NDUFA10: variants seen among roughly 807,000 people sequenced by gnomAD.
NDUFA10 encodes the protein NADH dehydrogenase [ubiquinone] 1 alpha subcomplex subunit 10, mitochondrial.
Under a neutral mutation model 47.8 loss-of-function variants are expected in NDUFA10, and 40 were observed. The ratio of observed to expected loss-of-function variants is 0.84; its 90% CI spans 0.65 to 1.09. The LOEUF (loss-of-function observed/expected upper bound fraction) is 1.09. Among genes scored for constraint, NDUFA10 ranks in the 50% least tolerant of loss-of-function variants. The probability of loss-of-function intolerance (pLI) is 0.00; values close to 1 mark genes in which losing one functional copy is unlikely to be tolerated. For synonymous variants in NDUFA10, 183 were observed against 172.2 expected (o/e 1.06, Z -0.49); for missense variants, 413 against 451.1 (o/e 0.92, Z 0.76).
chr2:240,018,761 A>C, intron 3 of NDUFA10, 122 bp from the exon 4 acceptor site: 3 of 1,102,218 alleles, frequency 2.7e-6, no homozygotes, highest in Non-Finnish European at 4.1e-6. Flanking sequence ...CCACACCAAA[A>C]TACTGAAAAG....
rs372549780 is a variant in NDUFA10 at position 239,945,850 on chromosome 2, T to TC, written c.294+44223dup. Among the ~76,000 whole-genome samples the TC allele has an allele frequency of 4.6e-3, 701 of 151,734 alleles. 5 individuals carry two copies. Among genetic ancestry groups the TC allele is most frequent in the African/African-American group, 0.016 (671 of 41,338 alleles). On this transcript the variant is annotated intron_variant, in intron 4 of 5. Coordinates refer to the NDUFA10 transcript ENST00000419408. This position sits in a 1 kb window ranked among gnomAD's most constrained non-coding sequence, Gnocchi z 4.6. ...CCCAGGCTTCAAGGGCCCACAGGGCTCCGGGACTGCAAGCCAGAAGCACCC... is the reference window on the plus strand; with the variant it reads ...CCCAGGCTTCAAGGGCCCACAGGGCTCCCGGGACTGCAAGCCAGAAGCACCC...
chr2:239,942,795 G>C (rs1357396038), intron 4 of NDUFA10, among the ~76,000 whole-genome samples: 1 of 151,896 alleles, frequency 6.6e-6, no homozygotes, highest in Non-Finnish European at 1.5e-5. Context: ...AGCTCTGACT[G>C]GGTCCTCATA....
intron 9 of NDUFA10, chr2:239,973,566 G>GGGAACGATCAGCTTCAAGT (rs1559338500): frequency 2.6e-5 from 12 of 469,202 alleles, no homozygotes; most frequent in Non-Finnish European, 4.9e-5. Context: ...CAGCTTCAAG[G>GGGAACGATCAGCTTCAAGT]AGGGAACGAT....
intron 4 of NDUFA10, among the ~76,000 whole-genome samples, chr2:239,900,933 A>C (rs1426598742): frequency 6.6e-6 from 1 of 152,274 alleles, no homozygotes; most frequent in Middle Eastern, 3.2e-3. Context: ...GAGACGCTGC[A>C]GCAAGTTATA....
intron 4 of NDUFA10, among the ~76,000 whole-genome samples, chr2:239,914,207 GACAC>G (rs1366442690): frequency 7.1e-6 from 1 of 140,060 alleles, no homozygotes; most frequent in Non-Finnish European, 1.6e-5. Flanking sequence ...CACAAATATA[GACAC>G]ACACAGAGAC....
At chr2:239,956,090 G>A (rs1694646755), downstream of NDUFA10, among the ~76,000 whole-genome samples, 1 of 152,118 alleles carries the variant, frequency 6.6e-6, no homozygotes, top group Non-Finnish European at 1.5e-5. Flanking sequence ...TGCACGCCAG[G>A]CCATTCCCGG....
chr2:239,965,191 C>T (rs935663501), intron 9 of NDUFA10, among the ~76,000 whole-genome samples: 8 of 151,952 alleles, frequency 5.3e-5, no homozygotes, highest in Non-Finnish European at 7.4e-5. Context: ...TTAATTGTCT[C>T]GGAAAGTTTG....
intron 4 of NDUFA10, among the ~76,000 whole-genome samples, chr2:239,912,169 G>T (rs11690373): frequency 2.0e-5 from 3 of 152,014 alleles, no homozygotes; most frequent in Non-Finnish European, 4.4e-5. Context: ...GGGTCTGGGC[G>T]GCACACAGAG....
At chr2:239,946,986 A>G (rs903958192) in intron 4 of NDUFA10, among the ~76,000 whole-genome samples, 2 of 152,230 alleles carry the variant, frequency 1.3e-5, no homozygotes, top group Non-Finnish European at 1.5e-5. Flanking sequence ...GTGCCAGGGC[A>G]GTGTCCAGGA....
At chr2:240,019,861 A>T (rs955140838) in intron 3 of NDUFA10, among the ~76,000 whole-genome samples, 1 of 151,394 alleles carries the variant, frequency 6.6e-6, no homozygotes, top group Non-Finnish European at 1.5e-5. Context: ...AACGTGGAGT[A>T]AGCCTGGATG....
intron 9 of NDUFA10, among the ~76,000 whole-genome samples, chr2:239,975,535 A>C (rs4854059): frequency 0.62 from 94,641 of 152,084 alleles, 29,817 homozygotes; most frequent in African/African-American, 0.72. Context: ...CCACTGTGTC[A>C]AACTGCTCAT....
chr2:239,955,387 A>G (rs1694633426), downstream of NDUFA10, among the ~76,000 whole-genome samples: 1 of 152,220 alleles, frequency 6.6e-6, no homozygotes, highest in Non-Finnish European at 1.5e-5. Flanking sequence ...GGACCATTAG[A>G]CAGCCGTCCT....
At chr2:239,981,023 A>G (rs1334345541) in intron 9 of NDUFA10, among the ~76,000 whole-genome samples, 2 of 152,228 alleles carry the variant, frequency 1.3e-5, no homozygotes, top group African/African-American at 2.4e-5. Flanking sequence ...TACCACAAGC[A>G]ACAAAGGTGC....
chr2:240,010,537 T>G (rs927321052), intron 6 of NDUFA10, among the ~76,000 whole-genome samples: 1 of 152,142 alleles, frequency 6.6e-6, no homozygotes, highest in South Asian at 2.1e-4. Context: ...TTTATTCACG[T>G]TGGCTCTAGA....
At chr2:239,935,424 G>A (rs890107488) in intron 4 of NDUFA10, among the ~76,000 whole-genome samples, 19 of 152,232 alleles carry the variant, frequency 1.2e-4, no homozygotes, top group African/African-American at 3.6e-4. Flanking sequence ...CGACAGGGCC[G>A]TGTGGGGGTC....
At chr2:240,021,827 T>C (rs1697635003) in intron 2 of NDUFA10, among the ~76,000 whole-genome samples, 2 of 152,160 alleles carry the variant, frequency 1.3e-5, no homozygotes, top group South Asian at 4.1e-4. Flanking sequence ...CACCCATCTG[T>C]GAGTGAGTAC....
At chr2:239,897,445 T>A (rs992140625) in intron 4 of NDUFA10, among the ~76,000 whole-genome samples, 2 of 152,102 alleles carry the variant, frequency 1.3e-5, no homozygotes, top group African/African-American at 4.8e-5. Context: ...ACCACACACA[T>A]GTAAATTAGA....
At chr2:239,965,149 ATACC>A (rs1695007304) in intron 9 of NDUFA10, among the ~76,000 whole-genome samples, 1 of 152,186 alleles carries the variant, frequency 6.6e-6, no homozygotes, top group East Asian at 1.9e-4. Context: ...AACTAGCAGA[ATACC>A]AAACCTGCTA....
intron 4 of NDUFA10, among the ~76,000 whole-genome samples, chr2:239,913,107 G>A (rs183061254): frequency 1.5e-4 from 23 of 152,346 alleles, no homozygotes; most frequent in Admixed American, 3.9e-4. Flanking sequence ...ACCAGCCCAC[G>A]TTTGGCTTGC....
Sources: allele counts gnomAD v4.1 joint callset (sites outside exome capture counted in the v4.1 genomes callset), GRCh38; gene constraint gnomAD v4.1.1; non-coding constraint Gnocchi (gnomAD v3.1); transcripts MANE v1.5; gene names NCBI Gene and HGNC (gene_info 2026-07-23, HGNC 2026-07-21).